Variants in CNBD1 observed in about 807,000 individuals in gnomAD.
CNBD1 encodes cyclic nucleotide binding domain containing 1.
CNBD1 carries 71 observed loss-of-function variants against 54.4 expected under a neutral mutation model. The ratio of observed to expected loss-of-function variants is 1.30; its 90% CI spans 1.08 to 1.59. The LOEUF (loss-of-function observed/expected upper bound fraction) is 1.59, where lower values mean the gene tolerates loss of function less well. Ranked by LOEUF, CNBD1 falls within the 40% of genes most tolerant of loss-of-function variation. The pLI is 0.00. For missense variants in CNBD1, 659 were observed against 518.0 expected, an observed-to-expected ratio of 1.27 and a Z score of -2.64; for synonymous variants, 182 against 170.7, an observed-to-expected ratio of 1.07 and a Z score of -0.51.
At chr8:87,341,438 C>T (rs573908173) in intron 8 of CNBD1, among the ~76,000 whole-genome samples, 2 of 152,232 alleles carry the variant, frequency 1.3e-5, no homozygotes, top group Non-Finnish European at 1.5e-5. Flanking sequence ...TTCTCTTAAT[C>T]ACATAGTGCT....
chr8:87,174,727 C>CT (rs371835757), intron 4 of CNBD1, among the ~76,000 whole-genome samples: 15 of 152,186 alleles, frequency 9.9e-5, no homozygotes, highest in African/African-American at 3.6e-4. Flanking sequence ...TATTTGGAAG[C>CT]TTTTTCAGGT....
intron 2 of CNBD1, among the ~76,000 whole-genome samples, chr8:87,421,908 C>G (rs1474214826): frequency 6.8e-6 from 1 of 147,434 alleles, no homozygotes; most frequent in East Asian, 2.0e-4. Flanking sequence ...AAAAGTGTTC[C>G]TATTTCTCCA....
intron 8 of CNBD1, among the ~76,000 whole-genome samples, chr8:87,318,911 C>A (rs1187886298): frequency 2.6e-5 from 4 of 151,832 alleles, no homozygotes; most frequent in Non-Finnish European, 5.9e-5. Context: ...AGACTGATAG[C>A]CAAACTTGTA....
intron 4 of CNBD1, among the ~76,000 whole-genome samples, chr8:87,054,724 C>G (rs528845835): frequency 4.3e-4 from 66 of 152,348 alleles, no homozygotes; most frequent in African/African-American, 1.5e-3. Context: ...CTCCAGGTTA[C>G]ACCGAAGTGT....
chr8:87,011,659 A>T (rs1809225639), intron 4 of CNBD1, among the ~76,000 whole-genome samples: 1 of 152,162 alleles, frequency 6.6e-6, no homozygotes, highest in Admixed American at 6.5e-5. Context: ...GAATAATAAA[A>T]AGCATTTTAA....
intron 4 of CNBD1, among the ~76,000 whole-genome samples, chr8:86,993,674 A>G (rs909679549): frequency 2.0e-5 from 3 of 152,114 alleles, no homozygotes; most frequent in Admixed American, 6.6e-5. Flanking sequence ...TGGGATCTTT[A>G]TTTGTGGCTG....
chr8:86,866,542 C>A lies in CNBD1; in HGVS notation c.47C>A (p.Ala16Asp), dbSNP rs1808364124. ...GCAGCTATTTTGTCTCACATGACAGCTATTAACAATGTGCCTCCTCCTCCA... is the reference window on the plus strand; with the variant it reads ...GCAGCTATTTTGTCTCACATGACAGATATTAACAATGTGCCTCCTCCTCCA... The part of the protein sequence containing the change: ...LPAAILSHMT[A>D]INNVPPPPLH... The change falls in exon 1 of 11, where the codon GCT becomes GAT. Residue 16 changes from alanine to aspartate, a missense_variant. Coordinates refer to ENST00000518476, the MANE Select transcript of CNBD1 (RefSeq NM_173538.3). The A allele has an allele frequency of 6.2e-7, 1 of 1,612,062 alleles. No homozygotes were observed. The highest frequency in any genetic ancestry group is 1.3e-5 in the African/African-American group (1 of 74,914).
In CNBD1 at chr8:87,204,335, A is replaced by C. The variant is rs192542098; in HGVS notation, c.432-1658A>C. 2.0e-3 allele frequency among the ~76,000 whole-genome samples: 297 copies of C among 152,248 alleles called. 6 individuals are homozygous for C. Among genetic ancestry groups the C allele is most frequent in the African/African-American group, 6.7e-3 (278 of 41,556 alleles). ...CTTGTGCCCATCTCTCTCTTAATGG[A>C]GGCTACTTTAAGGCCTTCTGAAAAG... On this transcript the variant is annotated intron_variant, in intron 4 of 10. Coordinates refer to ENST00000518476, the MANE Select transcript of CNBD1 (RefSeq NM_173538.3).
At chr8:86,896,922 T>C (rs1171329443) in intron 2 of CNBD1, among the ~76,000 whole-genome samples, 3 of 151,854 alleles carry the variant, frequency 2.0e-5, no homozygotes, top group Non-Finnish European at 2.9e-5. Flanking sequence ...TCAAAAAAAA[T>C]TAAAATGGCC....
At chr8:87,226,302 G>A (rs199882662) in intron 5 of CNBD1, among the ~76,000 whole-genome samples, 14 of 148,216 alleles carry the variant, frequency 9.4e-5, no homozygotes, top group Admixed American at 2.0e-4. Context: ...GTGTTTGCTC[G>A]TGCTTTTCTA....
chr8:86,943,778 A>G (rs1243954985), intron 4 of CNBD1, among the ~76,000 whole-genome samples: 1 of 152,100 alleles, frequency 6.6e-6, no homozygotes, highest in Non-Finnish European at 1.5e-5. Flanking sequence ...AGCAACAGAA[A>G]CTGACTCTGG....
At chr8:87,096,831 C>T (rs1811330219) in intron 4 of CNBD1, among the ~76,000 whole-genome samples, 1 of 151,516 alleles carries the variant, frequency 6.6e-6, no homozygotes. Flanking sequence ...TTTTCCTCTC[C>T]ACACCTTTAG....
intron 6 of CNBD1, among the ~76,000 whole-genome samples, chr8:87,243,065 C>A (rs999651782): frequency 1.3e-5 from 2 of 152,078 alleles, no homozygotes; most frequent in African/African-American, 4.8e-5. Context: ...CTAACTTTTC[C>A]ATTTCCCAAA....
chr8:86,964,744 A>G (rs542251943), intron 4 of CNBD1, among the ~76,000 whole-genome samples: 1 of 152,130 alleles, frequency 6.6e-6, no homozygotes, highest in Non-Finnish European at 1.5e-5. Context: ...GAGTGAAGGG[A>G]GCTGATTCCC....
chr8:87,257,915 A>T (rs1399662539), intron 6 of CNBD1, among the ~76,000 whole-genome samples: 2 of 152,028 alleles, frequency 1.3e-5, no homozygotes, highest in African/African-American at 4.8e-5. Context: ...GGTGTACAAT[A>T]ACATAATAAC....
At chr8:87,189,335 C>T (rs939337216) in intron 4 of CNBD1, among the ~76,000 whole-genome samples, 2 of 152,088 alleles carry the variant, frequency 1.3e-5, no homozygotes, top group Non-Finnish European at 1.5e-5. Context: ...AGTTTGGCAT[C>T]GGAACTATAA....
intron 3 of CNBD1, among the ~76,000 whole-genome samples, chr8:86,928,318 G>A (rs576835952): frequency 6.6e-6 from 1 of 152,166 alleles, no homozygotes; most frequent in Non-Finnish European, 1.5e-5. Context: ...TCTCGACAAG[G>A]CCATGGGCAA....
At chr8:86,883,800 A>AT (rs891798768) in intron 1 of CNBD1, among the ~76,000 whole-genome samples, 1 of 152,180 alleles carries the variant, frequency 6.6e-6, no homozygotes, top group Non-Finnish European at 1.5e-5. Context: ...AACGTAGATT[A>AT]TTTTTTCCAA....
At chr8:87,026,376 C>A (rs1173479459) in intron 4 of CNBD1, among the ~76,000 whole-genome samples, 1 of 151,694 alleles carries the variant, frequency 6.6e-6, no homozygotes, top group Non-Finnish European at 1.5e-5. Flanking sequence ...TCCCTCCCTC[C>A]CTTCTTCCCT....
Sources: allele counts gnomAD v4.1 joint callset (sites outside exome capture counted in the v4.1 genomes callset), GRCh38; gene constraint gnomAD v4.1.1; transcripts MANE v1.5; gene names NCBI Gene and HGNC (gene_info 2026-07-23, HGNC 2026-07-21).